The following ATP5PO variants were observed in gnomAD, a reference collection of about 807,000 sequenced individuals.
ATP5PO encodes ATP synthase peripheral stalk subunit OSCP.
In ATP5PO, 14 loss-of-function variants were observed where a neutral mutation model predicts 26.2. The ratio of observed to expected loss-of-function variants is 0.53; its 90% CI spans 0.35 to 0.83. The LOEUF (loss-of-function observed/expected upper bound fraction) is 0.83, where lower values mean the gene tolerates loss of function less well. Ranked by LOEUF, ATP5PO falls within the 40% of genes least tolerant of loss-of-function variation. ATP5PO has a pLI of 0.01. For missense variants in ATP5PO, 241 were observed against 258.5 expected (o/e 0.93, Z 0.46); for synonymous variants, 106 against 95.1 (o/e 1.12, Z -0.67).
At chr21:33,915,540 A>T in intron 1 of ATP5PO, 188 bp downstream of exon 1, 2 of 831,222 alleles carry the variant, frequency 2.4e-6, no homozygotes, top group Non-Finnish European at 3.6e-6. Flanking sequence ...CCCCGCGCCT[A>T]CTGCCCCGTA....
chr21:33,904,509 C>T (rs534716746), intron 5 of ATP5PO, among the ~76,000 whole-genome samples: 2 of 152,290 alleles, frequency 1.3e-5, no homozygotes, highest in East Asian at 1.9e-4. Context: ...CTGTTCATCT[C>T]CCCGCATCCA....
chr21:33,903,967 T>G lies in ATP5PO; in HGVS notation c.496A>C (p.Ser166Arg). ...ELKTVLKSFLSQGQVLKLEAK... is the reference protein window; with the variant it reads ...ELKTVLKSFLRQGQVLKLEAK... ...TCCAATTTCAATACTTGGCCTTGAC[T>G]TAGGAAGCTCTTGAGGACAGTTTTT... Residue 166 changes from serine (S) to arginine (R), a missense_variant, in exon 6 of 7, where the codon AGT (serine) becomes CGT (arginine). Coordinates refer to ENST00000290299, the MANE Select transcript of ATP5PO (RefSeq NM_001697.3). 1 of 1,613,584 alleles carries G rather than the reference T, an allele frequency of 6.2e-7. No homozygotes were observed. The highest frequency in any genetic ancestry group is 8.5e-7 in the Non-Finnish European group (1 of 1,179,760).
chr21:33,910,525 C>A (rs116165269), intron 3 of ATP5PO, among the ~76,000 whole-genome samples: 2 of 152,104 alleles, frequency 1.3e-5, no homozygotes, highest in Non-Finnish European at 2.9e-5. Flanking sequence ...CTCCATGTCT[C>A]GACTGACTTC....
In ATP5PO at chr21:33,905,197, G is replaced by A. The variant is rs1471216946; in HGVS notation, c.442-1176C>T. On this transcript the variant is annotated intron_variant, in intron 5 of 6. Transcript: ENST00000290299. ...TGCTGGTGGTGGCCAGAATCTATTC[G>A]TGTTCAAAACATGATTTACTGAGAC... Among the ~76,000 whole-genome samples the A allele has an allele frequency of 2.0e-5, 3 of 151,938 alleles. No homozygotes were observed. The East Asian group carries it at 5.8e-4, about 29-fold the overall frequency.
chr21:33,909,518 G>A (rs1015302674), intron 3 of ATP5PO, among the ~76,000 whole-genome samples: 13 of 152,134 alleles, frequency 8.5e-5, no homozygotes, highest in African/African-American at 2.2e-4. Context: ...CACCCACCTC[G>A]GCCTCCCAAA....
At chr21:33,904,160 T>C in intron 5 of ATP5PO, 139 bp from the exon 6 acceptor site, 1 of 659,802 alleles carries the variant, frequency 1.5e-6, no homozygotes, top group South Asian at 2.0e-5. Context: ...GGAGCTGCTC[T>C]GCAGCATTCA....
chr21:33,904,126 C>T (rs1987138527), intron 5 of ATP5PO, 105 bp from the exon 6 acceptor site: 2 of 896,798 alleles, frequency 2.2e-6, no homozygotes, highest in South Asian at 1.7e-5. Flanking sequence ...GTGAGCTCCT[C>T]CCTTTGCTAC....
At chr21:33,914,761 G>A (rs1282776944) in intron 1 of ATP5PO, 6 of 412,454 alleles carry the variant, frequency 1.5e-5, no homozygotes, top group South Asian at 4.2e-5. Context: ...TAGCATACCC[G>A]TAAGACAGAA....
intron 3 of ATP5PO, 114 bp from the exon 4 acceptor site, chr21:33,909,325 G>A: frequency 1.6e-6 from 2 of 1,225,682 alleles, no homozygotes; most frequent in Non-Finnish European, 2.2e-6. Flanking sequence ...CCGTCGCTCA[G>A]GCTGGAGTGC....
chr21:33,912,436 A>C, intron 2 of ATP5PO, 37 bp from the exon 3 acceptor site: 1 of 1,465,894 alleles, frequency 6.8e-7, no homozygotes, highest in Non-Finnish European at 9.5e-7. Flanking sequence ...GGAAAGAAAA[A>C]GGAAAATCAG....
At chr21:33,905,304 C>T (rs985722540) in intron 5 of ATP5PO, among the ~76,000 whole-genome samples, 21 of 152,264 alleles carry the variant, frequency 1.4e-4, no homozygotes, top group African/African-American at 4.6e-4. Context: ...ATGCCAGGCA[C>T]ATTTCATGCC....
In ATP5PO at chr21:33,914,461, T is replaced by C. The variant is rs752455954; in HGVS notation, c.76A>G (p.Lys26Glu). The C allele has an allele frequency of 1.2e-6, 2 of 1,612,990 alleles. No individual in the cohort carries two copies. Among genetic ancestry groups the C allele is most frequent in the East Asian group, 4.5e-5 (2 of 44,886 alleles). The change falls in exon 2 of 7, where the codon AAG becomes GAG. Residue 26 changes from lysine (K) to glutamate (E), a missense_variant. Physicochemically the swap from Lys to Glu is moderately conservative, Grantham distance 56. Coordinates refer to ENST00000290299, the MANE Select transcript of ATP5PO (RefSeq NM_001697.3). ...ATAAATTAACATACCCTCACAAGCT[T>C]GGCAAATGGTCTGACCACAGAGGTA... ...FSTSVVRPFA[K>E]LVRPPVQVYG...
Position 33,910,875 on chromosome 21 carries a change from G to A in ATP5PO, c.198+1414C>T, listed in dbSNP as rs144835540. Among the ~76,000 whole-genome samples, 39 of 152,258 alleles carry A rather than the reference G, an allele frequency of 2.6e-4. No homozygotes were observed. In the East Asian group the frequency reaches 7.5e-3, roughly 29 times the overall value. On this transcript the variant is annotated intron_variant, in intron 3 of 6. Coordinates refer to ENST00000290299, the MANE Select transcript of ATP5PO (RefSeq NM_001697.3). Reference sequence around the variant, plus strand: ...CGGAAGTTCCAATAGAAGCTCAAGTGAAAAATGAATAAAACATAAACAGTA... The same window carrying A: ...CGGAAGTTCCAATAGAAGCTCAAGTAAAAAATGAATAAAACATAAACAGTA...
At chr21:33,913,008 G>C (rs2148607470) in intron 2 of ATP5PO, among the ~76,000 whole-genome samples, 1 of 152,250 alleles carries the variant, frequency 6.6e-6, no homozygotes, top group South Asian at 2.1e-4. Flanking sequence ...CATGTTCTTA[G>C]TGGTGCTGTA....
chr21:33,907,377 A>G lies in ATP5PO; in HGVS notation c.405T>C (p.His135=). Residue 135 remains histidine (H), a synonymous_variant, in exon 5 of 7, where the codon CAT becomes CAC. Coordinates refer to ENST00000290299, the MANE Select transcript of ATP5PO (RefSeq NM_001697.3). The stretch of plus-strand genomic sequence containing the variant: ...TCACTGTGCAAGGTACCTCTCCGCG[A>G]TGGACACTCATCATGGTAGAAAAGG... ...VSAFSTMMSV[H]RGEVPCTVTS... is the part of the protein sequence containing the mutation. The G allele has an allele frequency of 6.2e-7, 1 of 1,603,196 alleles. No individual in the cohort carries two copies. Among genetic ancestry groups the G allele is most frequent in the Admixed American group, 1.7e-5 (1 of 59,626 alleles).
chr21:33,903,841 T>C lies in ATP5PO; in HGVS notation c.528+94A>G, dbSNP rs113652991. ...AATTTTAACTACAGAAAAATTAGTA[T>C]AGAGTTAGATCTAATATTTCACTAG... On this transcript the variant is annotated intron_variant, in intron 6 of 6. Coordinates refer to ENST00000290299, the MANE Select transcript of ATP5PO (RefSeq NM_001697.3). 454 of 1,194,370 alleles carry C rather than the reference T, an allele frequency of 3.8e-4. 1 individual carries two copies. The African/African-American group carries it at 6.2e-3, about 16-fold the overall frequency. The allele number at this position is 1,194,370 out of a possible 1,614,324, so 74.0% of individuals were successfully genotyped here.
intron 5 of ATP5PO, among the ~76,000 whole-genome samples, chr21:33,904,275 C>T (rs1987140502): frequency 6.6e-6 from 1 of 152,232 alleles, no homozygotes; most frequent in South Asian, 2.1e-4. Flanking sequence ...GTAAATGCCA[C>T]TCCCTCCCTG....
intron 5 of ATP5PO, among the ~76,000 whole-genome samples, chr21:33,904,888 A>C (rs368366360): frequency 1.3e-5 from 2 of 152,186 alleles, no homozygotes; most frequent in East Asian, 1.9e-4. Flanking sequence ...TTACAGGCGC[A>C]TGCCATCACA....
intron 3 of ATP5PO, among the ~76,000 whole-genome samples, chr21:33,910,904 A>G (rs1470019019): frequency 6.6e-6 from 1 of 152,262 alleles, no homozygotes; most frequent in Non-Finnish European, 1.5e-5. Flanking sequence ...AACAGTACAG[A>G]ACAGTAATAC....
Sources: gnomAD v4.1 joint callset for allele counts (sites outside exome capture counted in the v4.1 genomes callset) on GRCh38, gnomAD v4.1.1 for gene constraint, MANE v1.5 for transcripts, NCBI Gene and HGNC (gene_info 2026-07-23, HGNC 2026-07-21) for gene names.